ANXA4: variants seen among roughly 807,000 people sequenced by gnomAD.
ANXA4 encodes annexin A4.
In ANXA4, 39 loss-of-function variants were observed where a neutral mutation model predicts 49.8. The observed-to-expected ratio is 0.78, with a 90% CI of 0.61 to 1.02. The LOEUF (loss-of-function observed/expected upper bound fraction) is 1.02. Ranked by LOEUF, ANXA4 falls within the 50% of genes least tolerant of loss-of-function variation. ANXA4 has a pLI of 0.00. For missense variants in ANXA4, 360 were observed against 410.1 expected, an observed-to-expected ratio of 0.88 and a Z score of 1.05; for synonymous variants, 134 against 152.5, an observed-to-expected ratio of 0.88 and a Z score of 0.89.
chr2:69,748,959 T>TGCC (rs906518772), intron 1 of ANXA4, among the ~76,000 whole-genome samples: 1 of 152,180 alleles, frequency 6.6e-6, no homozygotes, highest in African/African-American at 2.4e-5. Context: ...GTGATCCACC[T>TGCC]GCCTCAGCCT....
chr2:69,767,793 A>C (rs534574957), intron 1 of ANXA4, among the ~76,000 whole-genome samples: 4 of 152,342 alleles, frequency 2.6e-5, no homozygotes, highest in African/African-American at 9.6e-5. Flanking sequence ...GTTAAAAGAT[A>C]TGAAGAACGA....
At chr2:69,824,698 C>G (rs966064887) in intron 12 of ANXA4, among the ~76,000 whole-genome samples, 2 of 151,962 alleles carry the variant, frequency 1.3e-5, no homozygotes, top group African/African-American at 4.8e-5. Context: ...AGGATGTGAT[C>G]AAATAAATTA....
At chr2:69,661,871 T>G (rs1016305660) in intron 2 of ANXA4, among the ~76,000 whole-genome samples, 3 of 152,188 alleles carry the variant, frequency 2.0e-5, no homozygotes, top group Admixed American at 1.3e-4. Context: ...CAGCGGCCAC[T>G]GTCCCTCTTC....
chr2:69,817,983 C>T (rs1463561921), intron 9 of ANXA4: 1 of 152,130 alleles, frequency 6.6e-6, no homozygotes, highest in Non-Finnish European at 1.5e-5. Flanking sequence ...GTTAAAATCA[C>T]ATTGATGGAA....
At chr2:69,797,657 C>G (rs536892285) in intron 3 of ANXA4, among the ~76,000 whole-genome samples, 31 of 152,292 alleles carry the variant, frequency 2.0e-4, no homozygotes, top group African/African-American at 7.0e-4. Flanking sequence ...AGATGCCATT[C>G]TAGTTGTAGG....
At chr2:69,790,571 C>T (rs1286074292) in intron 3 of ANXA4, among the ~76,000 whole-genome samples, 1 of 152,134 alleles carries the variant, frequency 6.6e-6, no homozygotes, top group African/African-American at 2.4e-5. Context: ...ACCTGTGAGC[C>T]ATTCAGATGG....
intron 1 of ANXA4, among the ~76,000 whole-genome samples, chr2:69,645,154 C>G (rs1477363914): frequency 2.6e-5 from 4 of 152,138 alleles, no homozygotes; most frequent in African/African-American, 9.7e-5. Flanking sequence ...CTTGCTTTCT[C>G]TAATCTGAAT....
rs115449586 is a variant in ANXA4, at chr2:69,763,277, C to T, written c.-46-18243C>T. Among the ~76,000 whole-genome samples the T allele has an allele frequency of 4.9e-3, 746 of 152,242 alleles. 5 individuals are homozygous for T. Among genetic ancestry groups the T allele is most frequent in the African/African-American group, 0.017 (717 of 41,546 alleles). ...CTTGATGACTTCGGGGCGCGGGAGG[C>T]CCCAGAACAAAGTGAGACTTTGAAG... On this transcript the variant is annotated intron_variant, in intron 1 of 12. Coordinates refer to ENST00000394295, the MANE Select transcript of ANXA4 (RefSeq NM_001153.5).
chr2:69,768,961 ACCAG>A (rs1671604382), intron 1 of ANXA4, among the ~76,000 whole-genome samples: 1 of 152,116 alleles, frequency 6.6e-6, no homozygotes, highest in Admixed American at 6.5e-5. Context: ...CCAACAAAAA[ACCAG>A]CCAACTGAAA....
intron 2 of ANXA4, among the ~76,000 whole-genome samples, chr2:69,653,904 T>A (rs1284291388): frequency 6.6e-6 from 1 of 152,254 alleles, no homozygotes; most frequent in Non-Finnish European, 1.5e-5. Context: ...TATTGATTCT[T>A]TCTATCTATG....
intron 2 of ANXA4, among the ~76,000 whole-genome samples, chr2:69,695,514 A>G (rs927654374): frequency 7.9e-5 from 12 of 152,230 alleles, no homozygotes; most frequent in Admixed American, 5.9e-4. Flanking sequence ...ACAGCAGCCC[A>G]TGAGTGTGAA....
At chr2:69,806,659 C>T (rs1263189144) in intron 5 of ANXA4, among the ~76,000 whole-genome samples, 161 bp downstream of exon 5, 1 of 152,124 alleles carries the variant, frequency 6.6e-6, no homozygotes, top group Non-Finnish European at 1.5e-5. Context: ...CATGGAATAG[C>T]TGTAAAAAGG....
intron 12 of ANXA4, among the ~76,000 whole-genome samples, chr2:69,823,460 T>C (rs1426511817): frequency 1.3e-5 from 2 of 151,924 alleles, no homozygotes; most frequent in African/African-American, 4.8e-5. Context: ...AAATCCAACT[T>C]CATGCTGTTT....
intron 8 of ANXA4, 196 bp from the exon 9 acceptor site, chr2:69,815,905 G>A (rs949070272): frequency 3.6e-6 from 2 of 560,366 alleles, no homozygotes; most frequent in African/African-American, 1.9e-5. Flanking sequence ...GACTCCCAGG[G>A]GGGTATGACA....
chr2:69,704,264 A>T (rs1232510835), intron 2 of ANXA4, among the ~76,000 whole-genome samples: 3 of 152,102 alleles, frequency 2.0e-5, no homozygotes, highest in Non-Finnish European at 4.4e-5. Context: ...TTTAAATGGG[A>T]TCTTTTCTTT....
At chr2:69,721,258 G>A (rs1669804088) in intron 3 of ANXA4, among the ~76,000 whole-genome samples, 1 of 152,184 alleles carries the variant, frequency 6.6e-6, no homozygotes, top group South Asian at 2.1e-4. Flanking sequence ...TAAGCTAATT[G>A]TCTAGTCCCT....
At chr2:69,706,835 A>G (rs1678515143) in intron 2 of ANXA4, among the ~76,000 whole-genome samples, 2 of 152,192 alleles carry the variant, frequency 1.3e-5, no homozygotes, top group Admixed American at 1.3e-4. Context: ...ATTACTTGTT[A>G]TGGCCGAATA....
chr2:69,724,512 G>A (rs770007210), intron 3 of ANXA4, among the ~76,000 whole-genome samples: 1 of 152,184 alleles, frequency 6.6e-6, no homozygotes, highest in Non-Finnish European at 1.5e-5. Context: ...CACCATTACT[G>A]TCCTGGCTAG....
Position 69,818,704 on chromosome 2 carries a change from T to C in ANXA4, c.724+10T>C, listed in dbSNP as rs1424588755. On this transcript the variant is annotated intron_variant, in intron 10 of 12. Coordinates refer to ENST00000394295, the MANE Select transcript of ANXA4 (RefSeq NM_001153.5). ...GCTCTGCTGGCTATAGGTAAGCTGG[T>C]AGGGGGAGTAGAGAAACAAATGTTT... 1.9e-6 allele frequency: 3 copies of C among 1,551,624 alleles called. No homozygotes were observed. The African/African-American group carries it at 4.1e-5, about 21-fold the overall frequency.
Sources: allele counts gnomAD v4.1 joint callset (sites outside exome capture counted in the v4.1 genomes callset), GRCh38; gene constraint gnomAD v4.1.1; transcripts MANE v1.5; gene names NCBI Gene and HGNC (gene_info 2026-07-23, HGNC 2026-07-21).